Variants in LINGO2 observed in about 807,000 individuals in gnomAD.
LINGO2 encodes the protein leucine rich repeat and Ig domain containing 2, also known as leucine-rich repeat and immunoglobulin-like domain-containing nogo receptor-interacting protein 2.
Under a neutral mutation model 30.6 loss-of-function variants are expected in LINGO2, and 14 were observed. That is an observed-to-expected ratio of 0.46 (90% CI 0.30 to 0.72). The LOEUF (loss-of-function observed/expected upper bound fraction) is 0.72, where lower values mean the gene tolerates loss of function less well. Among genes scored for constraint, LINGO2 ranks in the 30% least tolerant of loss-of-function variants. The pLI is 0.07. For synonymous variants in LINGO2, 317 were observed against 288.5 expected, an observed-to-expected ratio of 1.10 and a Z score of -1.00; for missense variants, 729 against 751.7, an observed-to-expected ratio of 0.97 and a Z score of 0.35.
At chr9:29,206,953 A>T in the LINGO2 span, among the ~76,000 whole-genome samples, 1 of 152,072 alleles carries the variant, frequency 6.6e-6, no homozygotes, top group Non-Finnish European at 1.5e-5. Context: ...CCATAATCAT[A>T]AGCTTAACCA....
intron 4 of LINGO2, among the ~76,000 whole-genome samples, chr9:28,215,330 A>T (rs1049338101): frequency 2.0e-5 from 3 of 151,888 alleles, no homozygotes; most frequent in South Asian, 4.1e-4. Context: ...GGTAAAGTGT[A>T]TCTTATAAAT....
intron 4 of LINGO2, among the ~76,000 whole-genome samples, chr9:28,048,145 C>CA (rs1554665913): frequency 6.7e-6 from 1 of 150,036 alleles, no homozygotes; most frequent in Non-Finnish European, 1.5e-5. Flanking sequence ...ATCAGCTTTC[C>CA]AAAAAAGGGG....
At chr9:28,311,290 C>G (rs946659898) in intron 3 of LINGO2, among the ~76,000 whole-genome samples, 12 of 152,130 alleles carry the variant, frequency 7.9e-5, no homozygotes, top group Non-Finnish European at 1.6e-4. Context: ...ACCACAGGAC[C>G]GGGGCAAAAT....
the LINGO2 span, among the ~76,000 whole-genome samples, chr9:29,126,268 A>G: frequency 8.5e-5 from 13 of 152,120 alleles, no homozygotes; most frequent in African/African-American, 2.2e-4. Context: ...AGATCCCCTG[A>G]TTTAAATTAT....
intron 2 of LINGO2, among the ~76,000 whole-genome samples, chr9:28,473,242 T>A (rs982382777): frequency 6.6e-6 from 1 of 152,074 alleles, no homozygotes; most frequent in Non-Finnish European, 1.5e-5. Context: ...AGCTTCACAG[T>A]TGAAGAGTAG....
At chr9:28,323,049 T>G (rs1355944417) in intron 3 of LINGO2, among the ~76,000 whole-genome samples, 1 of 152,162 alleles carries the variant, frequency 6.6e-6, no homozygotes, top group Non-Finnish European at 1.5e-5. Flanking sequence ...TGGAATCACA[T>G]GTTTAGATAT....
intron 2 of LINGO2, among the ~76,000 whole-genome samples, chr9:28,400,800 G>T (rs1041769069): frequency 1.1e-4 from 16 of 152,148 alleles, no homozygotes; most frequent in Non-Finnish European, 2.9e-5. Flanking sequence ...AACAACACGA[G>T]TAAGGTAAAG....
chr9:28,838,230 T>A, the LINGO2 span, among the ~76,000 whole-genome samples: 1 of 152,114 alleles, frequency 6.6e-6, no homozygotes, highest in South Asian at 2.1e-4. Context: ...GATATGAGAG[T>A]CCAACTGCCT....
At chr9:28,641,074 C>G (rs564313700) in intron 1 of LINGO2, among the ~76,000 whole-genome samples, 3 of 152,060 alleles carry the variant, frequency 2.0e-5, no homozygotes, top group Non-Finnish European at 1.5e-5. Flanking sequence ...CACTCTGTCG[C>G]CCAGGCTGGA....
chr9:28,224,239 T>C (rs1821068155), intron 4 of LINGO2, among the ~76,000 whole-genome samples: 2 of 152,156 alleles, frequency 1.3e-5, no homozygotes, highest in Non-Finnish European at 2.9e-5. Flanking sequence ...TAATTTTTTC[T>C]ATTTTTAGTA....
chr9:28,832,574 G>A, the LINGO2 span, among the ~76,000 whole-genome samples: 61,373 of 151,954 alleles, frequency 0.4, 12,734 homozygotes, highest in East Asian at 0.52. Context: ...AGACTTCCCA[G>A]GAATTTTCCA....
the LINGO2 span, among the ~76,000 whole-genome samples, chr9:29,011,827 T>G: frequency 1.3e-5 from 2 of 152,148 alleles, no homozygotes; most frequent in African/African-American, 4.8e-5. Flanking sequence ...GTTCTTCATA[T>G]AAAAACATTA....
At chr9:28,626,563 G>C (rs1332589836) in intron 1 of LINGO2, among the ~76,000 whole-genome samples, 1 of 151,914 alleles carries the variant, frequency 6.6e-6, no homozygotes, top group Non-Finnish European at 1.5e-5. Flanking sequence ...CTTTTATACA[G>C]ATACCTAGTT....
At chr9:28,590,977 C>G (rs1231975613) in intron 1 of LINGO2, among the ~76,000 whole-genome samples, 2 of 152,024 alleles carry the variant, frequency 1.3e-5, no homozygotes, top group Non-Finnish European at 2.9e-5. Context: ...ACTATGCAGC[C>G]ATAAAAAACG....
intron 4 of LINGO2, among the ~76,000 whole-genome samples, chr9:28,192,825 G>A (rs890988428): frequency 2.0e-5 from 3 of 152,070 alleles, no homozygotes; most frequent in African/African-American, 7.2e-5. Context: ...TGATGTAGGT[G>A]TTAGGGTCTA....
At chr9:28,667,816 T>C (rs891242148) in intron 1 of LINGO2, among the ~76,000 whole-genome samples, 3 of 152,124 alleles carry the variant, frequency 2.0e-5, no homozygotes, top group African/African-American at 7.2e-5. Context: ...TCTGGGCAGT[T>C]ATCCTTGGGT....
At chr9:28,721,562 G>GA in the LINGO2 span, among the ~76,000 whole-genome samples, 2 of 152,056 alleles carry the variant, frequency 1.3e-5, no homozygotes, top group African/African-American at 4.8e-5. Context: ...CACAGGAACA[G>GA]AAAACCAAAC....
At chr9:28,315,876 C>T (rs564680010) in intron 3 of LINGO2, among the ~76,000 whole-genome samples, 4 of 152,006 alleles carry the variant, frequency 2.6e-5, no homozygotes, top group South Asian at 2.1e-4. Flanking sequence ...ATAATAATAG[C>T]GTAAGATTTG....
chr9:29,191,750 A>G, the LINGO2 span, among the ~76,000 whole-genome samples: 2 of 152,130 alleles, frequency 1.3e-5, no homozygotes, highest in African/African-American at 2.4e-5. Flanking sequence ...CTACTTTAAC[A>G]TTTTTGAAGC....
Sources: allele counts gnomAD v4.1 joint callset (sites outside exome capture counted in the v4.1 genomes callset), GRCh38; gene constraint gnomAD v4.1.1; transcripts MANE v1.5; gene names NCBI Gene and HGNC (gene_info 2026-07-23, HGNC 2026-07-21).